The following HSD17B12 variants were observed in gnomAD, a reference collection of about 807,000 sequenced individuals.
The protein encoded by HSD17B12 is hydroxysteroid 17-beta dehydrogenase 12.
HSD17B12 carries 32 observed loss-of-function variants against 39.3 expected under a neutral mutation model. That is an observed-to-expected ratio of 0.81 (90% confidence interval 0.61 to 1.09). The LOEUF (loss-of-function observed/expected upper bound fraction) is 1.09. HSD17B12 is among the 50% of genes least tolerant of loss of function. The pLI, the probability that HSD17B12 is intolerant of heterozygous loss-of-function variation, is 0.00. For synonymous variants in HSD17B12, 150 were observed against 146.7 expected (o/e 1.02, Z -0.16); for missense variants, 342 against 382.9 (o/e 0.89, Z 0.89).
At chr11:43,837,484 A>T (rs1027039721) in intron 7 of HSD17B12, among the ~76,000 whole-genome samples, 1 of 152,132 alleles carries the variant, frequency 6.6e-6, no homozygotes, top group South Asian at 2.1e-4. Context: ...TAACCTATAC[A>T]TACTTTTTAA....
At chr11:43,735,623 C>A (rs1950309511) in intron 1 of HSD17B12, among the ~76,000 whole-genome samples, 1 of 151,952 alleles carries the variant, frequency 6.6e-6, no homozygotes, top group Admixed American at 6.6e-5. Flanking sequence ...TGTACAAATT[C>A]TTTATATATT....
At chr11:43,737,855 C>T (rs570694933) in intron 1 of HSD17B12, among the ~76,000 whole-genome samples, 1 of 151,888 alleles carries the variant, frequency 6.6e-6, no homozygotes, top group African/African-American at 2.4e-5. Flanking sequence ...AGGTGGATCA[C>T]GAGGTCAGGA....
chr11:43,844,379 G>A (rs752427855), intron 9 of HSD17B12, among the ~76,000 whole-genome samples: 1 of 151,978 alleles, frequency 6.6e-6, no homozygotes, highest in Non-Finnish European at 1.5e-5. Flanking sequence ...CATTTCCTGG[G>A]AATGCAAAAA....
intron 9 of HSD17B12, among the ~76,000 whole-genome samples, chr11:43,847,710 C>A (rs1307131208): frequency 8.0e-5 from 3 of 37,598 alleles, no homozygotes; most frequent in African/African-American, 2.5e-4. Context: ...CAAGACTCTG[C>A]CTCACAAAAA....
At chr11:43,734,704 T>A (rs770095548) in intron 1 of HSD17B12, 3 of 247,940 alleles carry the variant, frequency 1.2e-5, no homozygotes, top group Non-Finnish European at 2.4e-5. Context: ...GAAATAAAGG[T>A]AAAATCACTT....
intron 5 of HSD17B12, 47 bp downstream of exon 5, chr11:43,815,548 G>A: frequency 8.6e-7 from 1 of 1,159,764 alleles, no homozygotes; most frequent in Non-Finnish European, 1.3e-6. Context: ...ATGCATGCAG[G>A]TATTGGTATA....
intron 3 of HSD17B12, among the ~76,000 whole-genome samples, chr11:43,776,662 A>G (rs541421856): frequency 6.6e-5 from 10 of 152,240 alleles, no homozygotes; most frequent in South Asian, 6.2e-4. Flanking sequence ...TTGGTGTTTT[A>G]GACATGAAGT....
the HSD17B12 span, among the ~76,000 whole-genome samples, chr11:43,615,254 A>G: frequency 6.6e-6 from 1 of 152,156 alleles, no homozygotes; most frequent in Non-Finnish European, 1.5e-5. Flanking sequence ...TTAAATGCCC[A>G]GTATGTTCAG....
At chr11:43,593,113 A>G in the HSD17B12 span, among the ~76,000 whole-genome samples, 1 of 152,320 alleles carries the variant, frequency 6.6e-6, no homozygotes, top group East Asian at 1.9e-4. Context: ...TTTTGTTTAC[A>G]TATTTGCACA....
intron 1 of HSD17B12, among the ~76,000 whole-genome samples, chr11:43,690,396 A>ATTTTT (rs1565049786): frequency 3.6e-4 from 10 of 27,410 alleles, no homozygotes; most frequent in Non-Finnish European, 5.2e-4. Flanking sequence ...ATATATATAT[A>ATTTTT]TATATATATT....
chr11:43,652,335 C>T, the HSD17B12 span, among the ~76,000 whole-genome samples: 1 of 152,170 alleles, frequency 6.6e-6, no homozygotes, highest in Non-Finnish European at 1.5e-5. Flanking sequence ...TTCCTCTGGT[C>T]TCACACCACA....
the HSD17B12 span, among the ~76,000 whole-genome samples, chr11:43,631,977 G>T: frequency 2.0e-5 from 3 of 152,072 alleles, no homozygotes; most frequent in African/African-American, 7.2e-5. Context: ...GGGGCAGCTG[G>T]TCGGTTACTA....
the HSD17B12 span, among the ~76,000 whole-genome samples, chr11:43,580,890 C>T: frequency 6.6e-6 from 1 of 151,960 alleles, no homozygotes; most frequent in Non-Finnish European, 1.5e-5. Context: ...AGCTGGCGGC[C>T]TCGTCTGTAT....
chr11:43,588,610 C>CTATTATTATTAT, the HSD17B12 span, among the ~76,000 whole-genome samples: 9,039 of 144,886 alleles, frequency 0.062, 297 homozygotes, highest in East Asian at 0.072. Flanking sequence ...TTATTATTAG[C>CTATTATTATTAT]TATTATTATT....
chr11:43,633,395 G>A, the HSD17B12 span, among the ~76,000 whole-genome samples: 63 of 152,154 alleles, frequency 4.1e-4, no homozygotes, highest in Middle Eastern at 6.8e-3. Flanking sequence ...AGCAGGGTGC[G>A]GTGGCAGGCA....
At chr11:43,724,552 G>A (rs1027913825) in intron 1 of HSD17B12, among the ~76,000 whole-genome samples, 4 of 152,118 alleles carry the variant, frequency 2.6e-5, no homozygotes, top group African/African-American at 7.2e-5. Context: ...TCAAGGTCCT[G>A]GAAGATTTGG....
chr11:43,775,878 A>G (rs10838163), intron 3 of HSD17B12, among the ~76,000 whole-genome samples: 95,740 of 147,808 alleles, frequency 0.65, 31,102 homozygotes, highest in East Asian at 0.74. Context: ...TTGTTCTTGC[A>G]ATAGTTTACT....
chr11:43,787,795 T>C (rs1416712076), intron 3 of HSD17B12, among the ~76,000 whole-genome samples: 1 of 151,958 alleles, frequency 6.6e-6, no homozygotes, highest in Non-Finnish European at 1.5e-5. Flanking sequence ...CAATAGCTAT[T>C]TTAAATTTTA....
At chr11:43,806,216 G>A (rs1475788764) in intron 4 of HSD17B12, 1 of 152,158 alleles carries the variant, frequency 6.6e-6, no homozygotes, top group Non-Finnish European at 1.5e-5. Flanking sequence ...GGTTTAACTT[G>A]ATCTCCAATC....
Sources: allele counts gnomAD v4.1 joint callset (sites outside exome capture counted in the v4.1 genomes callset), GRCh38; gene constraint gnomAD v4.1.1; transcripts MANE v1.5; gene names NCBI Gene and HGNC (gene_info 2026-07-23, HGNC 2026-07-21).